CFAP99: variants seen among roughly 807,000 people sequenced by gnomAD.
CFAP99 encodes the protein cilia and flagella associated protein 99, also known as cilia- and flagella-associated protein 99.
CFAP99 carries 84 observed loss-of-function variants against 82.7 expected under a neutral mutation model. That is an observed-to-expected ratio of 1.02 (90% CI 0.85 to 1.22). The LOEUF (loss-of-function observed/expected upper bound fraction) is 1.22, where lower values mean the gene tolerates loss of function less well. Among genes scored for constraint, CFAP99 ranks in the 50% most tolerant of loss-of-function variants. The probability of loss-of-function intolerance (pLI) is 0.00; values close to 1 mark genes in which losing one functional copy is unlikely to be tolerated. For synonymous variants in CFAP99, 456 were observed against 429.5 expected, an observed-to-expected ratio of 1.06 and a Z score of -0.76; for missense variants, 1,059 against 983.5, an observed-to-expected ratio of 1.08 and a Z score of -1.03.
At chr4:2,442,531 C>A (rs1734067503) in intron 4 of CFAP99, among the ~76,000 whole-genome samples, 1 of 152,108 alleles carries the variant, frequency 6.6e-6, no homozygotes, top group African/African-American at 2.4e-5. Context: ...ATCCTGCCCA[C>A]CATTACCCCC....
intron 2 of CFAP99, chr4:2,427,930 TGGGGCCTGGCAGCCAGCA>T (rs906663016): frequency 2.0e-5 from 3 of 152,360 alleles, no homozygotes; most frequent in Admixed American, 2.0e-4. Context: ...CTCCTCCGGC[TGGGGCCTGGCAGCCAGCA>T]GGGGCTGGAG....
intron 3 of CFAP99, 57 bp from the exon 4 acceptor site, chr4:2,438,013 C>A: frequency 9.4e-7 from 1 of 1,061,852 alleles, no homozygotes; most frequent in Non-Finnish European, 1.4e-6. Flanking sequence ...CCGGTCCCGC[C>A]GTGTGCCTGG....
At chr4:2,423,459 C>T (rs781571803) in intron 1 of CFAP99, among the ~76,000 whole-genome samples, 32 of 152,206 alleles carry the variant, frequency 2.1e-4, no homozygotes, top group Non-Finnish European at 4.4e-4. Context: ...CCTTTCTGCT[C>T]ACAGCTGTTG....
At chr4:2,447,934 TG>T (rs1341428154) in intron 6 of CFAP99, among the ~76,000 whole-genome samples, 3 of 8,112 alleles carry the variant, frequency 3.7e-4, no homozygotes, top group East Asian at 0.011. Flanking sequence ...GATGGGTGGA[TG>T]GATGGATGGA....
At position 2,458,603 on chromosome 4, in the gene CFAP99, G is replaced by A. The variant is rs1734490985; in HGVS notation, c.1162-120G>A. On this transcript the variant is annotated intron_variant, in intron 11 of 14. Transcript: ENST00000635017. ...TGGGCTTAGACCTGGGTTCTGGGGT[G>A]ATTCAAGGGCAGGGACTGGGTCCAC... The A allele has an allele frequency of 7.4e-5, 97 of 1,304,390 alleles. 1 individual carries two copies. The highest frequency in any genetic ancestry group is 9.9e-5 in the Non-Finnish European group (97 of 981,248). The allele number at this position is 1,304,390 out of a possible 1,614,324, so 80.8% of individuals were successfully genotyped here.
At chr4:2,420,896 G>C (rs751855082) in intron 1 of CFAP99, among the ~76,000 whole-genome samples, 1 of 152,134 alleles carries the variant, frequency 6.6e-6, no homozygotes, top group African/African-American at 2.4e-5. Context: ...TCTCGTTCAG[G>C]GAGACTTTCC....
chr4:2,427,069 C>T (rs1733700740), intron 2 of CFAP99: 1 of 171,536 alleles, frequency 5.8e-6, no homozygotes, highest in South Asian at 1.5e-4. Flanking sequence ...GGCAGTGAGG[C>T]TCCCGGGGAG....
At position 2,450,009 on chromosome 4, in the gene CFAP99, C is replaced by A; in HGVS notation, c.795+4C>A. 2.0e-6 allele frequency: 3 copies of A among 1,536,026 alleles called. No homozygotes were observed. Among genetic ancestry groups the A allele is most frequent in the Non-Finnish European group, 2.6e-6 (3 of 1,146,804 alleles). Reference sequence around the variant, plus strand: ...GTCCTGCAGGGAGCGAGTGCAGGTACCGCCCAGCTCTCTCAAGACCCATCA... The same window carrying A: ...GTCCTGCAGGGAGCGAGTGCAGGTAACGCCCAGCTCTCTCAAGACCCATCA... On this transcript the variant is annotated splice_donor_region_variant and intron_variant, in intron 8 of 14. Transcript: ENST00000635017.
chr4:2,446,592 C>T lies in CFAP99; in HGVS notation c.642+1284C>T, dbSNP rs1030591141. On this transcript the variant is annotated intron_variant, in intron 6 of 14. Transcript: ENST00000635017. The surrounding 1 kb of genome is among the most constrained non-coding windows in gnomAD (Gnocchi z 5.0). The stretch of plus-strand genomic sequence containing the variant: ...ATTTTTAGTAGAGGTAGGGTTTTGT[C>T]ATGTTGGCCGGGCTGGTCCCTAACT... Among the ~76,000 whole-genome samples, 1 of 152,040 alleles carries T rather than the reference C, an allele frequency of 6.6e-6. No individual in the cohort carries two copies. Among genetic ancestry groups the T allele is most frequent in the Non-Finnish European group, 1.5e-5 (1 of 68,006 alleles).
At chr4:2,451,720 T>A (rs887165279) in intron 10 of CFAP99, among the ~76,000 whole-genome samples, 3 of 88,260 alleles carry the variant, frequency 3.4e-5, no homozygotes, top group South Asian at 7.4e-4. Context: ...GTGTCTTTCC[T>A]TGTCTGCAAG....
chr4:2,424,763 C>T (rs939061936), intron 1 of CFAP99, among the ~76,000 whole-genome samples: 2 of 152,242 alleles, frequency 1.3e-5, no homozygotes, highest in African/African-American at 4.8e-5. Context: ...CTTCCCAGGG[C>T]ACCCCCAGCC....
intron 9 of CFAP99, 87 bp downstream of exon 9, chr4:2,451,105 T>A: frequency 1.4e-6 from 2 of 1,468,838 alleles, no homozygotes; most frequent in South Asian, 2.4e-5. Flanking sequence ...TCAGATGACC[T>A]GAGCTGGGGG....
intron 8 of CFAP99, among the ~76,000 whole-genome samples, 187 bp from the exon 9 acceptor site, chr4:2,450,760 G>C (rs1018714970): frequency 6.6e-6 from 1 of 152,174 alleles, no homozygotes; most frequent in South Asian, 2.1e-4. Flanking sequence ...CCACAGCAAG[G>C]CTTGGGGGGC....
intron 11 of CFAP99, among the ~76,000 whole-genome samples, chr4:2,455,565 C>T (rs141783657): frequency 2.6e-5 from 4 of 152,270 alleles, no homozygotes; most frequent in Non-Finnish European, 4.4e-5. Context: ...GGCACACCCA[C>T]GTAATCCCAC....
intron 11 of CFAP99, among the ~76,000 whole-genome samples, chr4:2,453,369 T>C (rs1734345335): frequency 6.6e-6 from 1 of 152,238 alleles, no homozygotes; most frequent in African/African-American, 2.4e-5. Flanking sequence ...GAGGAAGTTA[T>C]ATTTCCAGAT....
intron 9 of CFAP99, 113 bp downstream of exon 9, chr4:2,451,131 GA>G: frequency 6.9e-7 from 1 of 1,453,170 alleles, no homozygotes; most frequent in Non-Finnish European, 9.3e-7. Flanking sequence ...GAGTCCCAAG[GA>G]CGGCCCCACC....
rs1400346065 is a variant in CFAP99, at chr4:2,457,108, G to A, written c.1162-1615G>A. ...GCTGGGACCACAGGCAGGAGCCACCGGGCCTGGCTAGTTTTGTATTTTCTG... is the reference window on the plus strand; with the variant it reads ...GCTGGGACCACAGGCAGGAGCCACCAGGCCTGGCTAGTTTTGTATTTTCTG... On this transcript the variant is annotated intron_variant, in intron 11 of 14. Transcript: ENST00000635017. Among the ~76,000 whole-genome samples the A allele has an allele frequency of 3.3e-5, 5 of 151,822 alleles. No individual in the cohort carries two copies. In the East Asian group the frequency reaches 5.8e-4, roughly 18 times the overall value.
intron 2 of CFAP99, among the ~76,000 whole-genome samples, chr4:2,432,134 C>T (rs1034011860): frequency 9.9e-5 from 15 of 152,196 alleles, no homozygotes; most frequent in African/African-American, 3.4e-4. Flanking sequence ...CATTCAGTTC[C>T]TCTCCATGCA....
At chr4:2,458,149 C>G (rs186825095) in intron 11 of CFAP99, among the ~76,000 whole-genome samples, 1,549 of 152,306 alleles carry the variant, frequency 0.01, 15 homozygotes, top group Non-Finnish European at 0.015. Context: ...CGGGGAGGGC[C>G]GGTGTGGACG....
Sources: gnomAD v4.1 joint callset for allele counts (sites outside exome capture counted in the v4.1 genomes callset) on GRCh38, gnomAD v4.1.1 for gene constraint, Gnocchi (gnomAD v3.1) non-coding constraint, MANE v1.5 for transcripts, NCBI Gene and HGNC (gene_info 2026-07-23, HGNC 2026-07-21) for gene names.